MAL: variants seen among roughly 807,000 people sequenced by gnomAD.
MAL encodes myelin and lymphocyte protein.
A neutral mutation model predicts 16.7 loss-of-function variants in MAL; 5 were observed. The observed-to-expected ratio is 0.30, with a 90% confidence interval of 0.16 to 0.63. MAL has a LOEUF of 0.63. Ranked by LOEUF, MAL falls within the 30% of genes least tolerant of loss-of-function variation. The probability of loss-of-function intolerance (pLI) is 0.82; values close to 1 mark genes in which losing one functional copy is unlikely to be tolerated. For synonymous variants in MAL, 96 were observed against 85.5 expected, an observed-to-expected ratio of 1.12 and a Z score of -0.67; for missense variants, 202 against 195.8, an observed-to-expected ratio of 1.03 and a Z score of -0.19.
At chr2:95,037,953 T>C (rs1378163519) in intron 1 of MAL, among the ~76,000 whole-genome samples, 7 of 149,634 alleles carry the variant, frequency 4.7e-5, no homozygotes, top group Non-Finnish European at 1.0e-4. Context: ...ACTGAGTGAG[T>C]GAGTGACTGA....
At chr2:95,039,100 GT>G (rs1244698379) in intron 1 of MAL, among the ~76,000 whole-genome samples, 1 of 149,582 alleles carries the variant, frequency 6.7e-6, no homozygotes, top group African/African-American at 2.5e-5. Context: ...GAGTGAGTGA[GT>G]GAGTAAGTGT....
At chr2:95,035,771 G>A (rs113758064) in intron 1 of MAL, among the ~76,000 whole-genome samples, 6,734 of 150,314 alleles carry the variant, frequency 0.045, 229 homozygotes, top group Middle Eastern at 0.086. Context: ...CTGGGCTCAC[G>A]CCATTCTCCT....
intron 3 of MAL, 41 bp downstream of exon 3, chr2:95,049,747 T>A (rs1674676810): frequency 6.2e-7 from 1 of 1,611,028 alleles, no homozygotes; most frequent in Admixed American, 1.7e-5. Context: ...AGCGGGCGGC[T>A]CCGTGGCTGG....
intron 1 of MAL, chr2:95,044,310 C>T (rs1487854069): frequency 6.6e-6 from 1 of 152,192 alleles, no homozygotes; most frequent in Non-Finnish European, 1.5e-5. Flanking sequence ...TGACAATGTT[C>T]CAAGATTGAC....
intron 2 of MAL, among the ~76,000 whole-genome samples, chr2:95,048,870 G>A (rs1185843739): frequency 6.6e-6 from 1 of 152,188 alleles, no homozygotes; most frequent in Non-Finnish European, 1.5e-5. Flanking sequence ...AGGCTGGAGT[G>A]CAGTGGCGCA....
intron 3 of MAL, chr2:95,052,901 A>G: frequency 6.4e-6 from 1 of 155,266 alleles, no homozygotes. Flanking sequence ...TGATAGGGTG[A>G]GAATGTCCAG....
At chr2:95,036,345 A>G (rs1243297053) in intron 1 of MAL, among the ~76,000 whole-genome samples, 1 of 152,144 alleles carries the variant, frequency 6.6e-6, no homozygotes, top group Non-Finnish European at 1.5e-5. Context: ...TCTTGTGCCA[A>G]CTACCGGGCT....
chr2:95,034,320 G>C (rs1205502760), intron 1 of MAL, among the ~76,000 whole-genome samples: 2 of 152,190 alleles, frequency 1.3e-5, no homozygotes, highest in South Asian at 4.1e-4. Flanking sequence ...AGCAGCCAAG[G>C]GGTGGAGGAC....
intron 1 of MAL, among the ~76,000 whole-genome samples, chr2:95,037,184 ACTGAGTGACTGAGTAG>A: frequency 6.6e-6 from 1 of 150,456 alleles, no homozygotes; most frequent in South Asian, 2.1e-4. Context: ...TGAGTGAGTG[ACTGAGTGACTGAGTAG>A]GTGAGTGACT....
Position 95,048,120 on chromosome 2 carries a change from C to T in MAL, c.255C>T (p.Val85=). ...IGAHGGETSW[V]TLDAAYHCTA... is the part of the protein sequence containing the mutation. ...CCCACGGTGGAGAGACTTCCTGGGT[C>T]ACCTTGGTGAGTCCAGCCCAGGGTG... Residue 85 remains valine (V), a synonymous_variant, in exon 2 of 4, where the codon GTC becomes GTT. Transcript: ENST00000309988. The T allele has an allele frequency of 6.2e-7, 1 of 1,612,606 alleles. No homozygotes were observed. The highest frequency in any genetic ancestry group is 1.1e-5 in the South Asian group (1 of 91,042).
At chr2:95,042,996 C>T (rs1674505696) in intron 1 of MAL, among the ~76,000 whole-genome samples, 1 of 152,238 alleles carries the variant, frequency 6.6e-6, no homozygotes, top group African/African-American at 2.4e-5. Flanking sequence ...GCTTTGCACA[C>T]AGCGGGGCTG....
At chr2:95,027,774 C>T (rs1673978701) in intron 1 of MAL, among the ~76,000 whole-genome samples, 1 of 152,120 alleles carries the variant, frequency 6.6e-6, no homozygotes, top group Non-Finnish European at 1.5e-5. Context: ...TGCAGTGGCG[C>T]GATCTTGGCT....
At chr2:95,043,857 T>C (rs561475825) in intron 1 of MAL, among the ~76,000 whole-genome samples, 1 of 152,292 alleles carries the variant, frequency 6.6e-6, no homozygotes, top group East Asian at 1.9e-4. Flanking sequence ...CCACTGCCCA[T>C]CCCCTGGGAG....
intron 1 of MAL, among the ~76,000 whole-genome samples, chr2:95,042,485 G>A (rs769282368): frequency 4.8e-4 from 73 of 152,116 alleles, no homozygotes; most frequent in Non-Finnish European, 9.7e-4. Flanking sequence ...TGTTTGCTGA[G>A]GCCCCACTCC....
At chr2:95,049,062 C>G (rs72942260) in intron 2 of MAL, among the ~76,000 whole-genome samples, 47 of 152,316 alleles carry the variant, frequency 3.1e-4, no homozygotes, top group African/African-American at 1.1e-3. Flanking sequence ...AAGAGATCCT[C>G]CTGCACCAAT....
At chr2:95,044,694 G>A (rs1472026155) in intron 1 of MAL, 1 of 152,250 alleles carries the variant, frequency 6.6e-6, no homozygotes, top group Non-Finnish European at 1.5e-5. Context: ...AATTTCCCAG[G>A]GAGCTGGAAA....
chr2:95,033,889 C>T (rs1453387504), intron 1 of MAL, among the ~76,000 whole-genome samples: 2 of 152,188 alleles, frequency 1.3e-5, no homozygotes, highest in African/African-American at 2.4e-5. Context: ...AAGGAGCACC[C>T]GGCAGCTGTG....
intron 1 of MAL, among the ~76,000 whole-genome samples, chr2:95,034,320 G>A (rs1205502760): frequency 1.3e-5 from 2 of 152,190 alleles, no homozygotes; most frequent in Non-Finnish European, 2.9e-5. Flanking sequence ...AGCAGCCAAG[G>A]GGTGGAGGAC....
chr2:95,043,910 G>C lies in MAL; in HGVS notation c.94-4049G>C, dbSNP rs547590757. ...TGATGTCATCTGTGCTGAGACATCT[G>C]TGACTACCTTCACCTTCATATGTTT... On this transcript the variant is annotated intron_variant, in intron 1 of 3. Coordinates refer to ENST00000309988, the MANE Select transcript of MAL (RefSeq NM_002371.4). Among the ~76,000 whole-genome samples the C allele has an allele frequency of 8.5e-5, 13 of 152,312 alleles. No homozygotes were observed. In the South Asian group the frequency reaches 2.7e-3, roughly 32 times the overall value.
Sources: gnomAD v4.1 joint callset for allele counts (sites outside exome capture counted in the v4.1 genomes callset) on GRCh38, gnomAD v4.1.1 for gene constraint, MANE v1.5 for transcripts, NCBI Gene and HGNC (gene_info 2026-07-23, HGNC 2026-07-21) for gene names.